Variants in ADAMTS9 observed in about 807,000 individuals in gnomAD.
The protein encoded by ADAMTS9 is ADAM metallopeptidase with thrombospondin type 1 motif 9.
In ADAMTS9, 107 loss-of-function variants were observed where a neutral mutation model predicts 257.1. That is an observed-to-expected ratio of 0.42 (90% CI 0.36 to 0.49). ADAMTS9 has a LOEUF of 0.49. Ranked by LOEUF, ADAMTS9 falls within the 20% of genes least tolerant of loss-of-function variation. The probability of loss-of-function intolerance (pLI) is 0.03; values close to 1 mark genes in which losing one functional copy is unlikely to be tolerated. For synonymous variants in ADAMTS9, 982 were observed against 880.9 expected, an observed-to-expected ratio of 1.11 and a Z score of -2.03; for missense variants, 2,353 against 2,469.1, an observed-to-expected ratio of 0.95 and a Z score of 1.00.
At chr3:64,544,106 A>C (rs1368932775) in intron 32 of ADAMTS9, among the ~76,000 whole-genome samples, 1 of 152,182 alleles carries the variant, frequency 6.6e-6, no homozygotes, top group Non-Finnish European at 1.5e-5. Flanking sequence ...TGCTCAACGA[A>C]ATAAAAGAGG....
chr3:64,687,507 G>A lies in ADAMTS9; in HGVS notation c.115+36C>T, dbSNP rs1223459562. On this transcript the variant is annotated intron_variant, in intron 1 of 39. Coordinates refer to ENST00000498707, the MANE Select transcript of ADAMTS9 (RefSeq NM_182920.2). This position sits in a 1 kb window ranked among gnomAD's most constrained non-coding sequence, Gnocchi z 4.4. ...GAGCGAGGACCGGGAGGCGGCGTCG[G>A]GGCCGGCGGGGTCCCGGGGGCCGGA... 1 of 1,484,836 alleles carries A rather than the reference G, an allele frequency of 6.7e-7. No individual in the cohort carries two copies. Among genetic ancestry groups the A allele is most frequent in the Non-Finnish European group, 9.0e-7 (1 of 1,106,606 alleles). 92.0% of individuals were successfully genotyped at this position (1,484,836 alleles called of 1,614,324 possible).
intron 35 of ADAMTS9, 32 bp downstream of exon 35, chr3:64,541,288 C>A: frequency 1.2e-6 from 2 of 1,613,560 alleles, no homozygotes; most frequent in Non-Finnish European, 1.7e-6. Context: ...GATCTCCAGG[C>A]CTCTGAGATC....
chr3:64,658,696 T>G lies in ADAMTS9; in HGVS notation c.775A>C (p.Ser259Arg). Residue 259 changes from serine (S) to arginine (R), a missense_variant, in exon 4 of 40, where the codon AGC becomes CGC. This residue lies in a region of ADAMTS9 where 591 missense variants were observed against 569.6 expected (regional missense o/e 1.04). Coordinates refer to ENST00000498707, the MANE Select transcript of ADAMTS9 (RefSeq NM_182920.2). ...NLAGDVAALN[S>R]GLATEAFSAY... The stretch of plus-strand genomic sequence containing the variant: ...GAAAATGCCTCTGTTGCTAAGCCGC[T>G]GTTTAATGCTGCTACGTCACCAGCC... 1 of 1,614,188 alleles carries G rather than the reference T, an allele frequency of 6.2e-7. No homozygotes were observed. The highest frequency in any genetic ancestry group is 8.5e-7 in the Non-Finnish European group (1 of 1,180,028).
At chr3:64,613,930 T>C (rs1052184619) in intron 21 of ADAMTS9, among the ~76,000 whole-genome samples, 3 of 152,180 alleles carry the variant, frequency 2.0e-5, no homozygotes, top group African/African-American at 7.2e-5. Flanking sequence ...TTGTGAAAAC[T>C]AAATGAAACA....
At chr3:64,630,558 C>G (rs1363281797) in intron 16 of ADAMTS9, among the ~76,000 whole-genome samples, 2 of 152,094 alleles carry the variant, frequency 1.3e-5, no homozygotes, top group Non-Finnish European at 2.9e-5. Context: ...GCCTCGGTGA[C>G]AGAGTGAGAC....
intron 32 of ADAMTS9, among the ~76,000 whole-genome samples, chr3:64,545,881 C>G (rs2083190844): frequency 6.6e-6 from 1 of 152,196 alleles, no homozygotes; most frequent in African/African-American, 2.4e-5. Context: ...CAGGTGTGAG[C>G]TACCATGCCT....
At chr3:64,581,242 A>G (rs2083991497) in intron 28 of ADAMTS9, among the ~76,000 whole-genome samples, 1 of 152,188 alleles carries the variant, frequency 6.6e-6, no homozygotes, top group Admixed American at 6.5e-5. Flanking sequence ...ATGTAAGACA[A>G]TTAATTGTCC....
At position 64,607,018 on chromosome 3, in the gene ADAMTS9, T is replaced by C. The variant is rs149529171; in HGVS notation, c.3416A>G (p.Tyr1139Cys). The change falls in exon 23 of 40, where the codon TAT becomes TGT. Residue 1139 changes from tyrosine (Y) to cysteine (C), a missense_variant. Around this residue, in one of 3 missense-constraint regions of ADAMTS9, gnomAD observed 1,402 missense variants for 1,441.4 expected, o/e 0.97. Coordinates refer to ENST00000498707, the MANE Select transcript of ADAMTS9 (RefSeq NM_182920.2). ...LRAVKCIIGTYMSVVDDNDCN... is the reference protein window; with the variant it reads ...LRAVKCIIGTCMSVVDDNDCN... ...GTCATTGTCATCTACCACTGACATA[T>C]AAGTCCCAATGATGCATTTCACTGC... 1 of 1,613,816 alleles carries C rather than the reference T, an allele frequency of 6.2e-7. No individual in the cohort carries two copies. Among genetic ancestry groups the C allele is most frequent in the Non-Finnish European group, 8.5e-7 (1 of 1,179,856 alleles).
At chr3:64,652,686 TACGAACGATAATA>T (rs1700960790) in intron 8 of ADAMTS9, among the ~76,000 whole-genome samples, 2 of 152,210 alleles carry the variant, frequency 1.3e-5, no homozygotes, top group Non-Finnish European at 2.9e-5. Context: ...ATTGGACGCT[TACGAACGATAATA>T]ACCACAACTT....
rs962262036 is a variant in ADAMTS9 at position 64,516,054 on chromosome 3, G to C, written c.*1073C>G. ...GGCATGAAAACCGGCAGGGTGTTAG[G>C]CTCATGGCCTGAAGAGAAGTCACAT... On this transcript the variant is annotated 3_prime_UTR_variant, in exon 40 of 40. Coordinates refer to ENST00000498707, the MANE Select transcript of ADAMTS9 (RefSeq NM_182920.2). The C allele has an allele frequency of 6.6e-6, 1 of 152,190 alleles. No homozygotes were observed. The highest frequency in any genetic ancestry group is 1.5e-5 in the Non-Finnish European group (1 of 68,024). The allele number at this position is 152,190 out of a possible 1,614,324, so 9.4% of individuals were successfully genotyped here. A position where few individuals can be genotyped will look rare whatever the true frequency, so the allele number is the denominator to read the frequency against.
intron 38 of ADAMTS9, among the ~76,000 whole-genome samples, chr3:64,529,651 A>T (rs1485254707): frequency 2.0e-5 from 3 of 152,134 alleles, no homozygotes; most frequent in African/African-American, 7.2e-5. Context: ...AACCCTGGTT[A>T]TTTGGGGGAA....
intron 3 of ADAMTS9, 108 bp from the exon 4 acceptor site, chr3:64,658,899 C>T (rs1004516518): frequency 1.7e-6 from 2 of 1,203,258 alleles, no homozygotes; most frequent in Non-Finnish European, 2.3e-6. Context: ...AAACTACATA[C>T]AAAAACAAGT....
intron 11 of ADAMTS9, among the ~76,000 whole-genome samples, chr3:64,643,630 C>A (rs1348347762): frequency 1.3e-5 from 2 of 151,210 alleles, no homozygotes; most frequent in Non-Finnish European, 3.0e-5. Flanking sequence ...ATTTTTTTAT[C>A]TTTTATAGAG....
At chr3:64,522,453 C>A in intron 38 of ADAMTS9, 193 bp from the exon 39 acceptor site, 1 of 475,340 alleles carries the variant, frequency 2.1e-6, no homozygotes, top group Admixed American at 3.8e-5. Flanking sequence ...AGCCCACCAC[C>A]TGTTTCTGTA....
chr3:64,657,234 G>T (rs1441151883), intron 4 of ADAMTS9, among the ~76,000 whole-genome samples: 1 of 152,112 alleles, frequency 6.6e-6, no homozygotes, highest in Non-Finnish European at 1.5e-5. Flanking sequence ...AAACACACTG[G>T]ATTTTGAAGC....
chr3:64,621,069 C>T, intron 19 of ADAMTS9, 45 bp downstream of exon 19: 1 of 1,562,296 alleles, frequency 6.4e-7, no homozygotes. Flanking sequence ...TCCTGCAAGA[C>T]TCTCACAATT....
At chr3:64,568,873 A>G in intron 28 of ADAMTS9, 1 of 217,868 alleles carries the variant, frequency 4.6e-6, no homozygotes, top group Non-Finnish European at 9.0e-6. Context: ...AAATAGTGAT[A>G]TATTTCTTCA....
At chr3:64,536,220 T>A (rs2083048166) in intron 37 of ADAMTS9, among the ~76,000 whole-genome samples, 1 of 152,206 alleles carries the variant, frequency 6.6e-6, no homozygotes, top group Admixed American at 6.5e-5. Context: ...CTTTCCAGTT[T>A]AGGGATCTGC....
rs143077675 is a variant in ADAMTS9 at position 64,616,975 on chromosome 3, G to A, written c.2814-805C>T. Reference sequence around the variant, plus strand: ...GGGTAAAAAAGAGTTCTGGCCTCATGCTTATCTTGGAATTTCTCATGAATG... The same window carrying A: ...GGGTAAAAAAGAGTTCTGGCCTCATACTTATCTTGGAATTTCTCATGAATG... On this transcript the variant is annotated intron_variant, in intron 19 of 39. Coordinates refer to ENST00000498707, the MANE Select transcript of ADAMTS9 (RefSeq NM_182920.2). 6.7e-4 allele frequency among the ~76,000 whole-genome samples: 102 copies of A among 152,240 alleles called. 1 individual carries two copies. In the East Asian group the frequency reaches 0.014, roughly 21 times the overall value.
Sources: gnomAD v4.1 joint callset for allele counts (sites outside exome capture counted in the v4.1 genomes callset) on GRCh38, gnomAD v4.1.1 for gene constraint, gnomAD v4.1.1 regional missense constraint, Gnocchi (gnomAD v3.1) non-coding constraint, MANE v1.5 for transcripts, NCBI Gene and HGNC (gene_info 2026-07-23, HGNC 2026-07-21) for gene names.